The following ATP2C2 variants were observed in gnomAD, a reference collection of about 807,000 sequenced individuals.
The protein encoded by ATP2C2 is calcium-transporting ATPase type 2C member 2.
In ATP2C2, 171 loss-of-function variants were observed where a neutral mutation model predicts 110.8. The ratio of observed to expected loss-of-function variants is 1.54; its 90% CI spans 1.36 to 1.75. The LOEUF is 1.75. Ranked by LOEUF, ATP2C2 falls within the 40% of genes most tolerant of loss-of-function variation. The pLI is 0.00. For synonymous variants in ATP2C2, 804 were observed against 508.4 expected (o/e 1.58, Z -7.82); for missense variants, 1,963 against 1,235.0 (o/e 1.59, Z -8.84).
In ATP2C2 at chr16:84,396,594, T is replaced by A. The variant is rs73243714; in HGVS notation, c.100-1905T>A. On this transcript the variant is annotated intron_variant, in intron 1 of 26. Coordinates refer to ENST00000262429, the MANE Select transcript of ATP2C2 (RefSeq NM_014861.4). ...AAAAGGAAAAGTGAATTCGGTGTAG[T>A]GAGTCACAAATGGCAAGGCTGAGGG... is the stretch of plus-strand genomic sequence containing the variant. 1.5e-3 allele frequency among the ~76,000 whole-genome samples: 221 copies of A among 142,876 alleles called. 2 individuals carry two copies. Among genetic ancestry groups the A allele is most frequent in the African/African-American group, 5.7e-3 (218 of 38,346 alleles). The allele number at this position is 142,876 out of a possible 152,430, so 93.7% of individuals were successfully genotyped here.
intron 1 of ATP2C2, among the ~76,000 whole-genome samples, chr16:84,380,583 G>C (rs1013023836): frequency 3.3e-5 from 5 of 152,118 alleles, no homozygotes; most frequent in Non-Finnish European, 7.4e-5. Flanking sequence ...GGGTGTTCTT[G>C]GCCCCTTTTC....
intron 1 of ATP2C2, among the ~76,000 whole-genome samples, chr16:84,384,562 T>C (rs1436465338): frequency 6.6e-6 from 1 of 152,208 alleles, no homozygotes; most frequent in African/African-American, 2.4e-5. Flanking sequence ...GCTATTACTT[T>C]CTCCCTTGTA....
At chr16:84,438,506 G>C (rs1431710983) in intron 11 of ATP2C2, among the ~76,000 whole-genome samples, 1 of 152,196 alleles carries the variant, frequency 6.6e-6, no homozygotes, top group East Asian at 1.9e-4. Flanking sequence ...ATTTCCAAGA[G>C]AGCATCTCAC....
chr16:84,405,299 G>A (rs1597775537), intron 3 of ATP2C2, 55 bp downstream of exon 3: 1 of 1,456,572 alleles, frequency 6.9e-7, no homozygotes, highest in East Asian at 2.3e-5. Flanking sequence ...GCGAGGGTGG[G>A]GCAGCCATTC....
intron 1 of ATP2C2, among the ~76,000 whole-genome samples, chr16:84,386,830 G>T (rs1024793299): frequency 7.9e-5 from 12 of 152,174 alleles, no homozygotes; most frequent in African/African-American, 2.7e-4. Flanking sequence ...CACAGCGTAG[G>T]TGGGGGTAGC....
At chr16:84,461,031 G>A (rs775002158) in intron 24 of ATP2C2, 131 of 556,506 alleles carry the variant, frequency 2.4e-4, no homozygotes, top group Admixed American at 7.6e-4. Flanking sequence ...AGAGGCCAGC[G>A]GGGTGGAGAT....
chr16:84,392,683 G>A (rs1051243829), intron 1 of ATP2C2, among the ~76,000 whole-genome samples: 3 of 152,102 alleles, frequency 2.0e-5, no homozygotes, highest in East Asian at 1.9e-4. Context: ...GGCTGGTCTC[G>A]AACTGCTGAC....
chr16:84,433,393 A>C (rs1908452516), intron 11 of ATP2C2, among the ~76,000 whole-genome samples: 1 of 139,662 alleles, frequency 7.2e-6, no homozygotes, highest in Non-Finnish European at 1.6e-5. Flanking sequence ...AAAAAACAAA[A>C]ACAAAAGAAA....
chr16:84,432,686 A>C (rs1480842269), intron 11 of ATP2C2, among the ~76,000 whole-genome samples: 1 of 151,810 alleles, frequency 6.6e-6, no homozygotes, highest in Non-Finnish European at 1.5e-5. Flanking sequence ...ACACCCAGCT[A>C]ATTTTTGTAT....
rs367800319 is a variant in ATP2C2, at chr16:84,461,860, C to G, written c.2580+48C>G. 5 of 1,606,118 alleles carry G rather than the reference C, an allele frequency of 3.1e-6. No homozygotes were observed. In the Admixed American group the frequency reaches 5.0e-5, roughly 16 times the overall value. On this transcript the variant is annotated intron_variant, in intron 25 of 26. Transcript: ENST00000262429. ...TCGCTGCAGAGCTGCTGTGTGTTCTCGACAGCAGCGCCCCGACCCTGCCCG... is the reference window on the plus strand; with the variant it reads ...TCGCTGCAGAGCTGCTGTGTGTTCTGGACAGCAGCGCCCCGACCCTGCCCG...
rs772921109 is a variant in ATP2C2 at position 84,448,580 on chromosome 16, C to T, written c.1551C>T (p.Ile517=). ...YFMKGALEEV[I]RYCTMYNNGG... The stretch of plus-strand genomic sequence containing the variant: ...TGAAAGGGGCCTTGGAAGAGGTGAT[C>T]CGCTACTGCACCATGTACAACAACG... Residue 517 remains isoleucine (I), a synonymous_variant, in exon 17 of 27, where the codon ATC becomes ATT. Coordinates refer to ENST00000262429, the MANE Select transcript of ATP2C2 (RefSeq NM_014861.4). The T allele has an allele frequency of 6.6e-5, 106 of 1,613,732 alleles. No homozygotes were observed. Among genetic ancestry groups the T allele is most frequent in the Non-Finnish European group, 8.4e-5 (99 of 1,179,854 alleles).
At position 84,463,974 on chromosome 16, in the gene ATP2C2, GTTTATTAAATCACAATGATT is replaced by G. The variant is rs1372336417; in HGVS notation, c.*251_*270del. ...GGGGCCTGTACAGAAACACCACACTGTTTATTAAATCACAATGATTTTTATTAACCATGTCTAACTACGTA... is the reference window on the plus strand; with the variant it reads ...GGGGCCTGTACAGAAACACCACACTGTTTATTAACCATGTCTAACTACGTA... On this transcript the variant is annotated 3_prime_UTR_variant, in exon 27 of 27. Transcript: ENST00000262429. 3 of 438,534 alleles carry G rather than the reference GTTTATTAAATCACAATGATT, an allele frequency of 6.8e-6. No individual in the cohort carries two copies. The highest frequency in any genetic ancestry group is 1.2e-5 in the Non-Finnish European group (3 of 244,170). 27.2% of individuals were successfully genotyped at this position (438,534 alleles called of 1,614,324 possible).
chr16:84,413,079 T>C (rs1178918948), intron 6 of ATP2C2, among the ~76,000 whole-genome samples: 1 of 143,272 alleles, frequency 7.0e-6, no homozygotes, highest in Non-Finnish European at 1.5e-5. Context: ...GCCTGTGCGA[T>C]AAGAGCGAAA....
intron 1 of ATP2C2, among the ~76,000 whole-genome samples, chr16:84,388,973 T>C (rs1417639884): frequency 2.0e-5 from 3 of 152,146 alleles, no homozygotes; most frequent in South Asian, 2.1e-4. Flanking sequence ...GGTTTCACCA[T>C]GTTACCCAGG....
chr16:84,462,670 C>T (rs939909854), intron 26 of ATP2C2: 9 of 153,230 alleles, frequency 5.9e-5, no homozygotes, highest in Admixed American at 1.3e-4. Flanking sequence ...TGGCACCTTT[C>T]TCTGAAGCTG....
chr16:84,416,147 C>G (rs1159715354), intron 7 of ATP2C2, among the ~76,000 whole-genome samples: 1 of 152,186 alleles, frequency 6.6e-6, no homozygotes. Context: ...GCACTCTAGC[C>G]TGGGCAACAG....
intron 7 of ATP2C2, among the ~76,000 whole-genome samples, chr16:84,420,232 C>A (rs888205691): frequency 2.0e-5 from 3 of 152,134 alleles, no homozygotes; most frequent in South Asian, 4.1e-4. Context: ...CCCACCTCCT[C>A]CATGGAGTAT....
intron 3 of ATP2C2, among the ~76,000 whole-genome samples, chr16:84,405,817 G>C (rs1176650311): frequency 1.3e-5 from 2 of 152,170 alleles, no homozygotes; most frequent in African/African-American, 4.8e-5. Flanking sequence ...CTACTGAGGA[G>C]GCTGAGGTGG....
chr16:84,400,060 C>T (rs987491474), intron 2 of ATP2C2, among the ~76,000 whole-genome samples: 1 of 152,114 alleles, frequency 6.6e-6, no homozygotes, highest in Non-Finnish European at 1.5e-5. Context: ...ATATAATGAC[C>T]TCCAGTTCCA....
Sources: gnomAD v4.1 joint callset for allele counts (sites outside exome capture counted in the v4.1 genomes callset) on GRCh38, gnomAD v4.1.1 for gene constraint, MANE v1.5 for transcripts, NCBI Gene and HGNC (gene_info 2026-07-23, HGNC 2026-07-21) for gene names.